The following CLDN16 variants were observed in gnomAD, a reference collection of about 807,000 sequenced individuals.
CLDN16 encodes claudin 16, also known as claudin-16.
In CLDN16, 13 loss-of-function variants were observed where a neutral mutation model predicts 24.6. The ratio of observed to expected loss-of-function variants is 0.53; its 90% CI spans 0.34 to 0.84. The LOEUF is 0.84. Among genes scored for constraint, CLDN16 ranks in the 40% least tolerant of loss-of-function variants. CLDN16 has a pLI of 0.01. For missense variants in CLDN16, 298 were observed against 292.7 expected, an observed-to-expected ratio of 1.02 and a Z score of -0.13; for synonymous variants, 116 against 106.7, an observed-to-expected ratio of 1.09 and a Z score of -0.54.
intron 1 of CLDN16, among the ~76,000 whole-genome samples, chr3:190,325,522 C>A (rs565869880): frequency 6.6e-6 from 1 of 152,256 alleles, no homozygotes; most frequent in African/African-American, 2.4e-5. Context: ...GTAAAAACAG[C>A]AAATAGCGTA....
chr3:190,340,367 G>C (rs7616064), intron 1 of CLDN16, among the ~76,000 whole-genome samples: 19,697 of 152,160 alleles, frequency 0.13, 1,449 homozygotes, highest in Middle Eastern at 0.23. Context: ...ATGCAGCGGG[G>C]AGGCCTCACA....
At chr3:190,332,605 T>G (rs959655920) in intron 1 of CLDN16, among the ~76,000 whole-genome samples, 2 of 152,162 alleles carry the variant, frequency 1.3e-5, no homozygotes, top group South Asian at 2.1e-4. Flanking sequence ...TAAGGTCTCC[T>G]CCGACACTTA....
intron 1 of CLDN16, among the ~76,000 whole-genome samples, chr3:190,389,455 CT>C (rs1469732936): frequency 2.0e-5 from 3 of 151,720 alleles, no homozygotes; most frequent in Admixed American, 2.0e-4. Context: ...CTTTATTAAA[CT>C]CTCAAATTGG....
chr3:190,345,849 A>G (rs1218981197), intron 1 of CLDN16, among the ~76,000 whole-genome samples: 2 of 152,188 alleles, frequency 1.3e-5, no homozygotes, highest in African/African-American at 2.4e-5. Context: ...TTAAACTAAC[A>G]ACTGTATGTT....
chr3:190,402,407 A>G lies in CLDN16; in HGVS notation c.185A>G (p.Asp62Gly). The G allele has an allele frequency of 6.2e-7, 1 of 1,613,868 alleles. No homozygotes were observed. Among genetic ancestry groups the G allele is most frequent in the Non-Finnish European group, 8.5e-7 (1 of 1,179,920 alleles). The change falls in exon 2 of 5, where the codon GAT (aspartate) becomes GGT (glycine). Residue 62 changes from aspartate to glycine, a missense_variant. Asp to Gly is a moderately conservative substitution (Grantham distance 94). Coordinates refer to ENST00000264734, the MANE Select transcript of CLDN16 (RefSeq NM_006580.4). ...GCTTTTGATGGGATTCGCACCTGTG[A>G]TGAGTACGATTCCATACTTGCGGAG... ...TNAFDGIRTC[D>G]EYDSILAEHP...
At chr3:190,396,525 TG>T in intron 1 of CLDN16, among the ~76,000 whole-genome samples, 1 of 152,218 alleles carries the variant, frequency 6.6e-6, no homozygotes, top group Admixed American at 6.5e-5. Context: ...GCACCTATTA[TG>T]TATCAAGAGT....
intron 1 of CLDN16, among the ~76,000 whole-genome samples, chr3:190,343,684 C>T (rs554729948): frequency 1.2e-4 from 18 of 151,976 alleles, no homozygotes; most frequent in Non-Finnish European, 2.2e-4. Context: ...CATTATGCTA[C>T]GTGAAGTAAG....
chr3:190,323,860 G>A (rs73192417), intron 1 of CLDN16, among the ~76,000 whole-genome samples: 13,447 of 152,208 alleles, frequency 0.088, 754 homozygotes, highest in East Asian at 0.22. Flanking sequence ...GGAGCTAGAT[G>A]AAGACAATTA....
intron 1 of CLDN16, among the ~76,000 whole-genome samples, chr3:190,323,447 T>C (rs1396665672): frequency 6.6e-6 from 1 of 152,192 alleles, no homozygotes; most frequent in African/African-American, 2.4e-5. Context: ...TCGCTGGGAC[T>C]GTAGTTTCCC....
At chr3:190,367,469 C>T (rs1031253453) in intron 1 of CLDN16, among the ~76,000 whole-genome samples, 1 of 151,982 alleles carries the variant, frequency 6.6e-6, no homozygotes, top group Non-Finnish European at 1.5e-5. Flanking sequence ...TGAATTTCTT[C>T]AGCGGGAAAA....
At chr3:190,292,787 C>T in the CLDN16 span, among the ~76,000 whole-genome samples, 4 of 152,268 alleles carry the variant, frequency 2.6e-5, no homozygotes, top group African/African-American at 9.6e-5. Flanking sequence ...ATTCCAGTTC[C>T]CAGTAAGTTC....
the CLDN16 span, among the ~76,000 whole-genome samples, chr3:190,292,242 A>G: frequency 8.5e-5 from 13 of 152,202 alleles, no homozygotes; most frequent in Non-Finnish European, 1.8e-4. Flanking sequence ...GGAGGTTCCC[A>G]AACCTCAATT....
chr3:190,360,649 AT>A (rs377166941), intron 1 of CLDN16, among the ~76,000 whole-genome samples: 235 of 151,330 alleles, frequency 1.6e-3, no homozygotes, highest in African/African-American at 5.1e-3. Context: ...GTATTCTTTT[AT>A]TTTTTTCCCA....
At chr3:190,310,695 T>A in the CLDN16 span, among the ~76,000 whole-genome samples, 1 of 152,144 alleles carries the variant, frequency 6.6e-6, no homozygotes, top group Non-Finnish European at 1.5e-5. Context: ...TTCTGCAGAG[T>A]CAAAAGGAAT....
chr3:190,409,229 TGTATATATGCACACACGTATATGC>T (rs1719200513), intron 4 of CLDN16, among the ~76,000 whole-genome samples: 1 of 152,064 alleles, frequency 6.6e-6, no homozygotes, highest in African/African-American at 2.4e-5. Context: ...CGTATATGCA[TGTATATATGCACACACGTATATGC>T]ATGTATATAT....
intron 1 of CLDN16, among the ~76,000 whole-genome samples, chr3:190,338,099 C>A (rs974085766): frequency 7.9e-5 from 12 of 152,200 alleles, no homozygotes; most frequent in Admixed American, 5.9e-4. Flanking sequence ...AGTTCAGTAA[C>A]CAAAAGACGG....
intron 1 of CLDN16, among the ~76,000 whole-genome samples, chr3:190,345,554 A>G (rs1717532998): frequency 6.6e-6 from 1 of 152,064 alleles, no homozygotes; most frequent in South Asian, 2.1e-4. Flanking sequence ...TTAATCTCAT[A>G]TTTATTTTTT....
At chr3:190,364,860 G>A (rs1009794965) in intron 1 of CLDN16, among the ~76,000 whole-genome samples, 3 of 151,140 alleles carry the variant, frequency 2.0e-5, no homozygotes, top group Non-Finnish European at 4.4e-5. Context: ...ATATCGGCAC[G>A]CCCCACGTCA....
the CLDN16 span, among the ~76,000 whole-genome samples, chr3:190,303,013 A>G: frequency 6.6e-6 from 1 of 152,064 alleles, no homozygotes; most frequent in Non-Finnish European, 1.5e-5. Context: ...CCTTTGGGTA[A>G]TATGACTATT....
Sources: gnomAD v4.1 joint callset for allele counts (sites outside exome capture counted in the v4.1 genomes callset) on GRCh38, gnomAD v4.1.1 for gene constraint, MANE v1.5 for transcripts, NCBI Gene and HGNC (gene_info 2026-07-23, HGNC 2026-07-21) for gene names.